Variants in FER1L6 observed in about 807,000 individuals in gnomAD.
The protein encoded by FER1L6 is fer-1 like family member 6, also known as fer-1-like protein 6.
In FER1L6, 177 loss-of-function variants were observed where a neutral mutation model predicts 219.2. The ratio of observed to expected loss-of-function variants is 0.81; its 90% CI spans 0.71 to 0.91. The LOEUF is 0.91. FER1L6 is among the 40% of genes least tolerant of loss of function. The probability of loss-of-function intolerance (pLI) is 0.00; values close to 1 mark genes in which losing one functional copy is unlikely to be tolerated. For synonymous variants in FER1L6, 768 were observed against 824.3 expected (o/e 0.93, Z 1.17); for missense variants, 2,153 against 2,259.9 (o/e 0.95, Z 0.96).
At chr8:123,951,227 T>A (rs1281062166) in intron 1 of FER1L6, among the ~76,000 whole-genome samples, 1 of 152,194 alleles carries the variant, frequency 6.6e-6, no homozygotes, top group Non-Finnish European at 1.5e-5. Context: ...GTCCCATCAC[T>A]GACCAATGAA....
At chr8:123,871,298 A>G in intron 1 of FER1L6, among the ~76,000 whole-genome samples, 1 of 152,180 alleles carries the variant, frequency 6.6e-6, no homozygotes, top group Non-Finnish European at 1.5e-5. Context: ...AGTAGTAACA[A>G]ACACACCTGG....
intron 1 of FER1L6, among the ~76,000 whole-genome samples, chr8:123,855,607 C>T (rs1329454022): frequency 6.6e-6 from 1 of 150,834 alleles, no homozygotes; most frequent in Non-Finnish European, 1.5e-5. Flanking sequence ...TGTCTTCCCA[C>T]TGGACCCCAC....
chr8:123,882,187 T>C (rs1817121729), intron 1 of FER1L6, among the ~76,000 whole-genome samples: 1 of 152,186 alleles, frequency 6.6e-6, no homozygotes, highest in Admixed American at 6.5e-5. Flanking sequence ...CCACATTTTT[T>C]TTTTTTAAAT....
intron 1 of FER1L6, among the ~76,000 whole-genome samples, chr8:123,925,147 A>G (rs537319615): frequency 1.3e-5 from 2 of 152,234 alleles, no homozygotes; most frequent in Middle Eastern, 3.2e-3. Context: ...CACTGAAAAC[A>G]GTGGCTTCAA....
At chr8:124,082,951 A>AATGT (rs1158855025) in intron 33 of FER1L6, among the ~76,000 whole-genome samples, 1 of 151,998 alleles carries the variant, frequency 6.6e-6, no homozygotes, top group East Asian at 1.9e-4. Context: ...TCTTTTTTCA[A>AATGT]ATGTATCTTT....
Position 123,889,136 on chromosome 8 carries a change from A to AT in FER1L6, c.-8+36957dup, listed in dbSNP as rs377673684. Among the ~76,000 whole-genome samples, 291 of 152,298 alleles carry AT rather than the reference A, an allele frequency of 1.9e-3. 1 individual carries two copies. The highest frequency in any genetic ancestry group is 6.7e-3 in the African/African-American group (280 of 41,562). ...CCAAAATAAAATGATCTTTGTGCAA[A>AT]TTTTTTGATAAATAAGACTAATTTA... On this transcript the variant is annotated intron_variant, in intron 1 of 40. Coordinates refer to ENST00000522917, the MANE Select transcript of FER1L6 (RefSeq NM_001039112.2).
chr8:124,049,613 C>T lies in FER1L6; in HGVS notation c.2731C>T (p.Pro911Ser). The T allele has an allele frequency of 6.2e-7, 1 of 1,613,734 alleles. No individual in the cohort carries two copies. Among genetic ancestry groups the T allele is most frequent in the African/African-American group, 1.3e-5 (1 of 75,000 alleles). The change falls in exon 22 of 41, where the codon CCA becomes TCA. Residue 911 changes from proline to serine, a missense_variant. By Grantham distance (74) the Pro-to-Ser change is moderately conservative. Transcript: ENST00000522917. ...ELYDSDAVGK[P>S]EYLGATVAAP... is the part of the protein sequence containing the mutation. ...CATTTCTTTTCTTCTTTAGGGGAAG[C>T]CAGAATATTTGGGTGCCACAGTGGC...
At chr8:124,043,427 T>A (rs1387955099) in intron 20 of FER1L6, among the ~76,000 whole-genome samples, 1 of 152,214 alleles carries the variant, frequency 6.6e-6, no homozygotes. Flanking sequence ...GTTAGCTAAG[T>A]GCTACCATAA....
chr8:124,041,938 C>A (rs1819519069), intron 20 of FER1L6, among the ~76,000 whole-genome samples: 1 of 152,184 alleles, frequency 6.6e-6, no homozygotes, highest in Admixed American at 6.5e-5. Context: ...GGGATGATAA[C>A]CTTGTACATT....
chr8:123,942,185 C>A lies in FER1L6; in HGVS notation c.-7-13807C>A, dbSNP rs557367565. Among the ~76,000 whole-genome samples the A allele has an allele frequency of 2.4e-4, 37 of 152,280 alleles. No homozygotes were observed. In the South Asian group the frequency reaches 5.0e-3, roughly 21 times the overall value. ...TATTTAACTGCTTAGTCTGTACCTGCAGAACCTTCTCCCCAACCCCTCCCC... is the reference window on the plus strand; with the variant it reads ...TATTTAACTGCTTAGTCTGTACCTGAAGAACCTTCTCCCCAACCCCTCCCC... On this transcript the variant is annotated intron_variant, in intron 1 of 40. Coordinates refer to ENST00000522917, the MANE Select transcript of FER1L6 (RefSeq NM_001039112.2).
chr8:124,048,961 C>A (rs563019218), intron 21 of FER1L6, among the ~76,000 whole-genome samples: 56 of 152,306 alleles, frequency 3.7e-4, no homozygotes, highest in Non-Finnish European at 5.9e-4. Context: ...TTAACTATAT[C>A]CTACTGAGCT....
chr8:123,970,834 A>C (rs1249652506), intron 6 of FER1L6, among the ~76,000 whole-genome samples: 1 of 152,210 alleles, frequency 6.6e-6, no homozygotes, highest in African/African-American at 2.4e-5. Flanking sequence ...ATGAGAGAGA[A>C]GTCAGGCCAA....
chr8:124,069,268 G>C, intron 28 of FER1L6, 92 bp from the exon 29 acceptor site: 6 of 952,186 alleles, frequency 6.3e-6, no homozygotes, highest in Non-Finnish European at 1.0e-5. Flanking sequence ...TCACAACATA[G>C]GACATGTCAG....
At chr8:123,947,314 A>C (rs1814546110) in intron 1 of FER1L6, among the ~76,000 whole-genome samples, 1 of 152,136 alleles carries the variant, frequency 6.6e-6, no homozygotes, top group South Asian at 2.1e-4. Context: ...AGTGATTTTA[A>C]GAAATGGATG....
intron 1 of FER1L6, among the ~76,000 whole-genome samples, chr8:123,878,696 T>C (rs1209663737): frequency 1.3e-5 from 2 of 152,266 alleles, no homozygotes; most frequent in Non-Finnish European, 2.9e-5. Flanking sequence ...TAACAAGAAC[T>C]GTGTGTACAT....
intron 1 of FER1L6, among the ~76,000 whole-genome samples, chr8:123,913,390 A>G (rs1813096308): frequency 6.6e-6 from 1 of 152,190 alleles, no homozygotes; most frequent in Admixed American, 6.6e-5. Context: ...ATTTTCCACA[A>G]TTCCTAAGAG....
chr8:123,865,723 G>A (rs1816824469), intron 1 of FER1L6, among the ~76,000 whole-genome samples: 1 of 151,232 alleles, frequency 6.6e-6, no homozygotes, highest in South Asian at 2.1e-4. Context: ...CGCAATATTC[G>A]GGTGGGAGTG....
At chr8:123,978,091 G>T (rs1254638268) in intron 10 of FER1L6, among the ~76,000 whole-genome samples, 1 of 152,188 alleles carries the variant, frequency 6.6e-6, no homozygotes, top group East Asian at 1.9e-4. Flanking sequence ...TCAGGGCAAT[G>T]GATGAAGCCA....
At chr8:124,105,847 G>A (rs1242011858) in intron 39 of FER1L6, among the ~76,000 whole-genome samples, 1 of 152,180 alleles carries the variant, frequency 6.6e-6, no homozygotes, top group Non-Finnish European at 1.5e-5. Flanking sequence ...ACTGATACGT[G>A]CAACAACATG....
Sources: gnomAD v4.1 joint callset for allele counts (sites outside exome capture counted in the v4.1 genomes callset) on GRCh38, gnomAD v4.1.1 for gene constraint, MANE v1.5 for transcripts, NCBI Gene and HGNC (gene_info 2026-07-23, HGNC 2026-07-21) for gene names.